The following RYR3 variants were observed in gnomAD, a reference collection of about 807,000 sequenced individuals.
The protein encoded by RYR3 is ryanodine receptor 3.
RYR3 carries 207 observed loss-of-function variants against 584.3 expected under a neutral mutation model. The ratio of observed to expected loss-of-function variants is 0.35; its 90% CI spans 0.32 to 0.40. RYR3 has a LOEUF of 0.40. Ranked by LOEUF, RYR3 falls within the 10% of genes least tolerant of loss-of-function variation. The pLI is 1.00. For synonymous variants in RYR3, 2,416 were observed against 2,248.5 expected (o/e 1.07, Z -2.11); for missense variants, 5,616 against 6,089.2 (o/e 0.92, Z 2.59).
At chr15:33,660,452 C>T in intron 34 of RYR3, 29 bp downstream of exon 34, 1 of 1,482,230 alleles carries the variant, frequency 6.7e-7, no homozygotes, top group Non-Finnish European at 9.1e-7. Flanking sequence ...AAGGAAGGGG[C>T]AGGCCTGAGG....
intron 1 of RYR3, among the ~76,000 whole-genome samples, chr15:33,429,443 G>A (rs1404569347): frequency 1.3e-5 from 2 of 152,214 alleles, no homozygotes; most frequent in Admixed American, 6.5e-5. Context: ...ATAACAGCGG[G>A]AACACAAAGC....
At chr15:33,379,438 T>G (rs1324043090) in intron 1 of RYR3, among the ~76,000 whole-genome samples, 1 of 152,262 alleles carries the variant, frequency 6.6e-6, no homozygotes, top group East Asian at 1.9e-4. Context: ...AAAAAATACT[T>G]TTTGTCATTG....
intron 12 of RYR3, among the ~76,000 whole-genome samples, chr15:33,572,710 C>A (rs544759831): frequency 6.8e-6 from 1 of 147,118 alleles, no homozygotes; most frequent in Non-Finnish European, 1.5e-5. Context: ...CACAATGGCT[C>A]ACGCCTGTAA....
intron 19 of RYR3, among the ~76,000 whole-genome samples, chr15:33,621,585 A>G (rs2060727159): frequency 6.6e-6 from 1 of 152,228 alleles, no homozygotes; most frequent in African/African-American, 2.4e-5. Flanking sequence ...GTCCTATTAC[A>G]TAACACTTAA....
chr15:33,692,576 A>G (rs1338847813), intron 38 of RYR3, among the ~76,000 whole-genome samples: 1 of 151,168 alleles, frequency 6.6e-6, no homozygotes, highest in African/African-American at 2.4e-5. Context: ...TCAGCAACAC[A>G]GCGGTAAGTC....
intron 1 of RYR3, among the ~76,000 whole-genome samples, chr15:33,432,648 C>T (rs1283539498): frequency 7.7e-6 from 1 of 129,576 alleles, no homozygotes; most frequent in Non-Finnish European, 1.6e-5. Context: ...TTACAGGTGC[C>T]CACGACCACG....
At chr15:33,861,889 C>A (rs904499590) in intron 102 of RYR3, among the ~76,000 whole-genome samples, 9 of 152,078 alleles carry the variant, frequency 5.9e-5, no homozygotes, top group Non-Finnish European at 1.2e-4. Context: ...CCTCTCAGTG[C>A]TAGGATTACA....
intron 67 of RYR3, among the ~76,000 whole-genome samples, chr15:33,792,213 C>G (rs2152919998): frequency 6.6e-6 from 1 of 152,214 alleles, no homozygotes; most frequent in East Asian, 1.9e-4. Context: ...AGATGAAATT[C>G]AAAACTGGAG....
At chr15:33,326,333 A>G (rs538469705) in intron 1 of RYR3, among the ~76,000 whole-genome samples, 1 of 152,210 alleles carries the variant, frequency 6.6e-6, no homozygotes, top group Non-Finnish European at 1.5e-5. Context: ...AGTACTTACT[A>G]TGTAAAAGGC....
intron 66 of RYR3, among the ~76,000 whole-genome samples, chr15:33,787,890 T>C (rs1477162436): frequency 6.6e-6 from 1 of 152,220 alleles, no homozygotes; most frequent in Non-Finnish European, 1.5e-5. Context: ...GAATGGACTA[T>C]AAAATAATAC....
intron 3 of RYR3, among the ~76,000 whole-genome samples, chr15:33,516,377 TCC>T (rs2053523563): frequency 6.6e-6 from 1 of 150,982 alleles, no homozygotes; most frequent in African/African-American, 2.4e-5. Context: ...GGAATCTCAC[TCC>T]GTCACCCTGG....
intron 10 of RYR3, among the ~76,000 whole-genome samples, chr15:33,554,420 C>G (rs369786540): frequency 4.6e-5 from 7 of 151,950 alleles, no homozygotes; most frequent in African/African-American, 2.4e-5. Context: ...CTCAGCCTCC[C>G]GAGTAGCTGG....
At chr15:33,571,767 G>A (rs536942892) in intron 12 of RYR3, among the ~76,000 whole-genome samples, 2 of 152,004 alleles carry the variant, frequency 1.3e-5, no homozygotes, top group Non-Finnish European at 2.9e-5. Flanking sequence ...CCCTTTCATT[G>A]GTATGCTTCA....
intron 43 of RYR3, among the ~76,000 whole-genome samples, chr15:33,714,360 A>C (rs1451418629): frequency 6.6e-6 from 1 of 152,216 alleles, no homozygotes; most frequent in Admixed American, 6.5e-5. Context: ...GTTTGTAGTA[A>C]ATCTTCTTAA....
chr15:33,608,935 G>T (rs1366422451), intron 18 of RYR3, among the ~76,000 whole-genome samples: 3 of 152,228 alleles, frequency 2.0e-5, no homozygotes, highest in Admixed American at 6.5e-5. Flanking sequence ...GCATATGGCA[G>T]CTATGGCTAA....
rs751753897 is a variant in RYR3 at position 33,726,554 on chromosome 15, T to C, written c.7033+48T>C. 15 of 1,539,726 alleles carry C rather than the reference T, an allele frequency of 9.7e-6. 1 individual carries two copies. The South Asian group carries it at 1.8e-4, about 19-fold the overall frequency. ...GCAGCAGCAGTCTCCCAGCAGCCAC[T>C]GGCTCGGGGCAGGACTCTGTCCCCA... On this transcript the variant is annotated intron_variant, in intron 46 of 103. Coordinates refer to ENST00000634891, the MANE Select transcript of RYR3 (RefSeq NM_001036.6).
intron 1 of RYR3, among the ~76,000 whole-genome samples, chr15:33,416,967 T>G (rs879463242): frequency 6.6e-6 from 1 of 152,184 alleles, no homozygotes; most frequent in Non-Finnish European, 1.5e-5. Flanking sequence ...CATTGTTTAT[T>G]TTTGTTGACT....
At position 33,739,822 on chromosome 15, in the gene RYR3, T is replaced by C. The variant is rs2069894690; in HGVS notation, c.7657-10T>C. 1 of 1,611,352 alleles carries C rather than the reference T, an allele frequency of 6.2e-7. No homozygotes were observed. The highest frequency in any genetic ancestry group is 8.5e-7 in the Non-Finnish European group (1 of 1,178,124). On this transcript the variant is annotated splice_polypyrimidine_tract_variant and intron_variant, in intron 50 of 103. Coordinates refer to ENST00000634891, the MANE Select transcript of RYR3 (RefSeq NM_001036.6). ...TTCTCTACTAATGTGGCCTTGTTTTTCCCTCACAGAAATATGACCCAGATC... is the reference window on the plus strand; with the variant it reads ...TTCTCTACTAATGTGGCCTTGTTTTCCCCTCACAGAAATATGACCCAGATC...
intron 1 of RYR3, among the ~76,000 whole-genome samples, chr15:33,344,707 A>T (rs900978996): frequency 9.9e-5 from 15 of 152,166 alleles, no homozygotes; most frequent in African/African-American, 3.6e-4. Context: ...CATTGAGAAG[A>T]CGGTTTCTTA....
Sources: gnomAD v4.1 joint callset for allele counts (sites outside exome capture counted in the v4.1 genomes callset) on GRCh38, gnomAD v4.1.1 for gene constraint, MANE v1.5 for transcripts, NCBI Gene and HGNC (gene_info 2026-07-23, HGNC 2026-07-21) for gene names.